Variants in PSAPL1 observed in about 807,000 individuals in gnomAD.
PSAPL1 encodes prosaposin like 1, also known as proactivator polypeptide-like 1.
For synonymous variants in PSAPL1, 351 were observed against 291.6 expected (o/e 1.20, Z -2.08); for missense variants, 814 against 688.8 (o/e 1.18, Z -2.03).
chr4:7,434,134 C>A lies in PSAPL1; in HGVS notation c.746G>T (p.Arg249Met). Residue 249 changes from arginine to methionine, a missense_variant, in exon 1 of 1, where the codon AGG becomes ATG. Arg to Met is a moderately conservative substitution (Grantham distance 91, BLOSUM62 -1). Coordinates refer to ENST00000319098, the MANE Select transcript of PSAPL1 (RefSeq NM_001085382.2). ...LRLLPPQELC[R>M]KGGFCEELGA... ...TAGCTCCTCACAGAATCCCCCCTTCCTGCAGAGCTCCTGCGGGGGGAGAAG... is the reference window on the plus strand; with the variant it reads ...TAGCTCCTCACAGAATCCCCCCTTCATGCAGAGCTCCTGCGGGGGGAGAAG... The A allele has an allele frequency of 6.2e-7, 1 of 1,613,682 alleles. No individual in the cohort carries two copies. The highest frequency in any genetic ancestry group is 8.5e-7 in the Non-Finnish European group (1 of 1,179,670).
In PSAPL1 at chr4:7,433,662, G is replaced by A; in HGVS notation, c.1218C>T (p.Ser406=). 2 of 1,609,602 alleles carry A rather than the reference G, an allele frequency of 1.2e-6. No homozygotes were observed. Among genetic ancestry groups the A allele is most frequent in the Non-Finnish European group, 1.7e-6 (2 of 1,177,278 alleles). Residue 406 remains serine, a synonymous_variant, in exon 1 of 1, where the codon TCC becomes TCT. Transcript: ENST00000319098. Reference sequence around the variant, plus strand: ...TGCTCTTGCTCTCCAAGTTGTGGGAGGACACCGTGAGCAGCCTCTTGCACC... The same window carrying A: ...TGCTCTTGCTCTCCAAGTTGTGGGAAGACACCGTGAGCAGCCTCTTGCACC... ...CNGCKRLLTV[S]SHNLESKSTK...
At position 7,434,080 on chromosome 4, in the gene PSAPL1, A is replaced by G; in HGVS notation, c.800T>C (p.Val267Ala). Residue 267 changes from valine (V) to alanine (A), a missense_variant, in exon 1 of 1, where the codon GTG becomes GCG. Transcript: ENST00000319098. ...LGAPARLTQV[V>A]AMDGVPSLEL... ...CAGGGAGGGGACCCCGTCCATGGCC[A>G]CTACTTGAGTCAAACGGGCAGGTGC... 2 of 1,611,670 alleles carry G rather than the reference A, an allele frequency of 1.2e-6. No homozygotes were observed. Among genetic ancestry groups the G allele is most frequent in the Non-Finnish European group, 8.5e-7 (1 of 1,178,262 alleles).
Position 7,433,101 on chromosome 4 carries a change from G to C in PSAPL1, c.*213C>G, listed in dbSNP as rs527980462. 5 of 422,534 alleles carry C rather than the reference G, an allele frequency of 1.2e-5. No homozygotes were observed. The highest frequency in any genetic ancestry group is 1.0e-4 in the African/African-American group (5 of 49,290). 26.2% of individuals were successfully genotyped at this position (422,534 alleles called of 1,614,324 possible). On this transcript the variant is annotated 3_prime_UTR_variant, in exon 1 of 1. Coordinates refer to ENST00000319098, the MANE Select transcript of PSAPL1 (RefSeq NM_001085382.2). ...GGAGCGGGGCACATGAGTGTGTTCC[G>C]GTCCAGTAGAGATGCTTTCAAGGGC...
Position 7,433,559 on chromosome 4 carries a change from A to G in PSAPL1, c.1321T>C (p.Phe441Leu), listed in dbSNP as rs746306816. The change falls in exon 1 of 1, where the codon TTC becomes CTC. Residue 441 changes from phenylalanine (F) to leucine (L), a missense_variant. By Grantham distance (22) the Phe-to-Leu change is conservative (BLOSUM62 0). Coordinates refer to ENST00000319098, the MANE Select transcript of PSAPL1 (RefSeq NM_001085382.2). Reference protein sequence around the residue: ...PLPYMIQCKHFVTQYEPVLIE... With the variant: ...PLPYMIQCKHLVTQYEPVLIE... Reference sequence around the variant, plus strand: ...AGCACGGGCTCGTACTGGGTGACGAAGTGCTTGCACTGGATCATATAGGGC... The same window carrying G: ...AGCACGGGCTCGTACTGGGTGACGAGGTGCTTGCACTGGATCATATAGGGC... 14 of 1,611,526 alleles carry G rather than the reference A, an allele frequency of 8.7e-6. No homozygotes were observed. The highest frequency in any genetic ancestry group is 1.2e-5 in the Non-Finnish European group (14 of 1,179,148).
rs1726784819 is a variant in PSAPL1, at chr4:7,430,730, T to C, written c.*2584A>G. ...TGCTGGGATGGGTCTCCCAAACTTC[T>C]AGGCCCAGTAGGGCCAGCTGCTCTT... On this transcript the variant is annotated 3_prime_UTR_variant, in exon 1 of 1. Coordinates refer to ENST00000319098, the MANE Select transcript of PSAPL1 (RefSeq NM_001085382.2). 6.6e-6 allele frequency: 1 copy of C among 152,274 alleles called. No individual in the cohort carries two copies. Among genetic ancestry groups the C allele is most frequent in the African/African-American group, 2.4e-5 (1 of 41,450 alleles). 9.4% of individuals were successfully genotyped at this position (152,274 alleles called of 1,614,324 possible).
At position 7,433,611 on chromosome 4, in the gene PSAPL1, G is replaced by T; in HGVS notation, c.1269C>A (p.Phe423Leu). The T allele has an allele frequency of 2.5e-6, 4 of 1,611,628 alleles. No individual in the cohort carries two copies. The highest frequency in any genetic ancestry group is 3.4e-6 in the Non-Finnish European group (4 of 1,178,918). Reference sequence around the variant, plus strand: ...GCGGCAGGATGCTGCAGCCACCCTTGAAGGCCACCAGGATGTCTCGCTTGG... The same window carrying T: ...GCGGCAGGATGCTGCAGCCACCCTTTAAGGCCACCAGGATGTCTCGCTTGG... ...KSTKRDILVA[F>L]KGGCSILPLP... Residue 423 changes from phenylalanine (F) to leucine (L), a missense_variant, in exon 1 of 1, where the codon TTC becomes TTA. Physicochemically the swap from Phe to Leu is conservative, Grantham distance 22. Coordinates refer to ENST00000319098, the MANE Select transcript of PSAPL1 (RefSeq NM_001085382.2).
rs564943121 is a variant in PSAPL1 at position 7,431,177 on chromosome 4, T to A, written c.*2137A>T. 2.0e-5 allele frequency: 3 copies of A among 152,404 alleles called. No individual in the cohort carries two copies. The East Asian group carries it at 5.8e-4, about 29-fold the overall frequency. 9.4% of individuals were successfully genotyped at this position (152,404 alleles called of 1,614,324 possible). On this transcript the variant is annotated 3_prime_UTR_variant, in exon 1 of 1. Transcript: ENST00000319098. ...GCCTGTGGGGTCATGGCCAGTGAGC[T>A]CCGTTCATCACGGGCAACCATCTAG...
At position 7,434,665 on chromosome 4, in the gene PSAPL1, G is replaced by A; in HGVS notation, c.215C>T (p.Ala72Val). 1 of 1,612,844 alleles carries A rather than the reference G, an allele frequency of 6.2e-7. No homozygotes were observed. Among genetic ancestry groups the A allele is most frequent in the African/African-American group, 1.3e-5 (1 of 75,046 alleles). The change falls in exon 1 of 1, where the codon GCC becomes GTC. Residue 72 changes from alanine to valine, a missense_variant. By Grantham distance (64) the Ala-to-Val change is moderately conservative (BLOSUM62 0). Coordinates refer to ENST00000319098, the MANE Select transcript of PSAPL1 (RefSeq NM_001085382.2). Reference protein sequence around the residue: ...LPCDVCQDIAAAAGNGLNPDA... With the variant: ...LPCDVCQDIAVAAGNGLNPDA... ...AGGGTTCAGCCCATTGCCAGCGGCG[G>A]CTGCTATGTCCTGGCATACGTCGCA... is the stretch of plus-strand genomic sequence containing the variant.
In PSAPL1 at chr4:7,434,464, A is replaced by G; in HGVS notation, c.416T>C (p.Leu139Pro). 1 of 1,611,318 alleles carries G rather than the reference A, an allele frequency of 6.2e-7. No homozygotes were observed. Among genetic ancestry groups the G allele is most frequent in the Non-Finnish European group, 8.5e-7 (1 of 1,179,510 alleles). ...APAQVCTALS[L>P]CEPLQRHLAT... Reference sequence around the variant, plus strand: ...CAGGTGCCTCTGCAGCGGCTCACAGAGGCTGAGCGCTGTGCACACCTGTGC... The same window carrying G: ...CAGGTGCCTCTGCAGCGGCTCACAGGGGCTGAGCGCTGTGCACACCTGTGC... Residue 139 changes from leucine (L) to proline (P), a missense_variant, in exon 1 of 1, where the codon CTC becomes CCC. By Grantham distance (98) the Leu-to-Pro change is moderately conservative. Transcript: ENST00000319098.
chr4:7,433,778 T>G lies in PSAPL1; in HGVS notation c.1102A>C (p.Asn368His), dbSNP rs1388242334. The G allele has an allele frequency of 1.9e-6, 3 of 1,613,444 alleles. No homozygotes were observed. In the South Asian group the frequency reaches 3.3e-5, roughly 18 times the overall value. Residue 368 changes from asparagine to histidine, a missense_variant, in exon 1 of 1, where the codon AAC (asparagine) becomes CAC (histidine). By Grantham distance (68) the Asn-to-His change is moderately conservative. Coordinates refer to ENST00000319098, the MANE Select transcript of PSAPL1 (RefSeq NM_001085382.2). ...KVCKFIRLCG[N>H]RRRARAVHDA... The stretch of plus-strand genomic sequence containing the variant: ...TGGACTGCCCGGGCCCGCCTCCGGT[T>G]GCCACACAGACGGATGAACTTGCAC...
In PSAPL1 at chr4:7,434,663, C is replaced by T. The variant is rs189025474; in HGVS notation, c.217G>A (p.Ala73Thr). 235 of 1,612,818 alleles carry T rather than the reference C, an allele frequency of 1.5e-4. 1 individual carries two copies. Among genetic ancestry groups the T allele is most frequent in the Non-Finnish European group, 1.8e-4 (215 of 1,179,510 alleles). The change falls in exon 1 of 1, where the codon GCC (alanine) becomes ACC (threonine). Residue 73 changes from alanine (A) to threonine (T), a missense_variant. Physicochemically the swap from Ala to Thr is moderately conservative, Grantham distance 58. Coordinates refer to ENST00000319098, the MANE Select transcript of PSAPL1 (RefSeq NM_001085382.2). ...PCDVCQDIAAAAGNGLNPDAT... is the reference protein window; with the variant it reads ...PCDVCQDIAATAGNGLNPDAT... ...TCAGGGTTCAGCCCATTGCCAGCGGCGGCTGCTATGTCCTGGCATACGTCG... is the reference window on the plus strand; with the variant it reads ...TCAGGGTTCAGCCCATTGCCAGCGGTGGCTGCTATGTCCTGGCATACGTCG...
At chr4:7,433,674 CA>C in the PSAPL1 span, 46 of 1,609,700 alleles carry the variant, frequency 2.9e-5, no homozygotes, top group Non-Finnish European at 3.8e-5. Flanking sequence ...ACACCGTGAG[CA>C]GCCTCTTGCA....
chr4:7,434,636 C>T lies in PSAPL1; in HGVS notation c.244G>A (p.Ala82Thr), dbSNP rs201099591. Residue 82 changes from alanine to threonine, a missense_variant, in exon 1 of 1, where the codon GCC becomes ACC. Ala to Thr is a moderately conservative substitution (Grantham distance 58). Coordinates refer to ENST00000319098, the MANE Select transcript of PSAPL1 (RefSeq NM_001085382.2). ...AAAGCCAGGATGTCAGACTCCGTGG[C>T]GTCAGGGTTCAGCCCATTGCCAGCG... is the stretch of plus-strand genomic sequence containing the variant. The part of the protein sequence containing the change: ...AAAGNGLNPD[A>T]TESDILALVM... The T allele has an allele frequency of 2.2e-4, 347 of 1,613,170 alleles. No homozygotes were observed. Among genetic ancestry groups the T allele is most frequent in the Middle Eastern group, 8.2e-4 (5 of 6,084 alleles).
rs997722325 is a variant in PSAPL1, at chr4:7,430,971, C to T, written c.*2343G>A. 1 of 152,392 alleles carries T rather than the reference C, an allele frequency of 6.6e-6. No homozygotes were observed. 9.4% of individuals were successfully genotyped at this position (152,392 alleles called of 1,614,324 possible). On this transcript the variant is annotated 3_prime_UTR_variant, in exon 1 of 1. Transcript: ENST00000319098. Reference sequence around the variant, plus strand: ...CTTTAGACCCCAAGGCAGCCACTCCCCACGAGCACTTGCAGAGCACCTCCT... The same window carrying T: ...CTTTAGACCCCAAGGCAGCCACTCCTCACGAGCACTTGCAGAGCACCTCCT...
rs1182499710 is a variant in PSAPL1 at position 7,433,343 on chromosome 4, T to G, written c.1537A>C (p.Met513Leu). Residue 513 changes from methionine (M) to leucine (L), a missense_variant, in exon 1 of 1, where the codon ATG becomes CTG. Met to Leu is a conservative substitution (Grantham distance 15). Transcript: ENST00000319098. ...QHCQKHVWKE[M>L]HLHAGEHA The stretch of plus-strand genomic sequence containing the variant: ...GCGTGTTCCCCAGCGTGGAGGTGCA[T>G]CTCTTTCCATACATGCTTCTGGCAG... The G allele has an allele frequency of 1.4e-6, 2 of 1,426,580 alleles. No individual in the cohort carries two copies. The highest frequency in any genetic ancestry group is 6.2e-5 in the Admixed American group (2 of 32,018). 88.4% of individuals were successfully genotyped at this position (1,426,580 alleles called of 1,614,324 possible).
Position 7,433,400 on chromosome 4 carries a change from C to T in PSAPL1, c.1480G>A (p.Glu494Lys). 1 of 1,504,076 alleles carries T rather than the reference C, an allele frequency of 6.6e-7. No individual in the cohort carries two copies. Among genetic ancestry groups the T allele is most frequent in the Non-Finnish European group, 8.9e-7 (1 of 1,127,760 alleles). 93.2% of individuals were successfully genotyped at this position (1,504,076 alleles called of 1,614,324 possible). A position where few individuals can be genotyped will look rare whatever the true frequency, so the allele number is the denominator to read the frequency against. The stretch of plus-strand genomic sequence containing the variant: ...ACAGCGTTGCACAGCTTGGCGGCCT[C>T]CTGGCTCCTGCACCAGAAGCTTGGG... ...LGPSFWCRSQEAAKLCNAVQH... is the reference protein window; with the variant it reads ...LGPSFWCRSQKAAKLCNAVQH... The change falls in exon 1 of 1, where the codon GAG (glutamate) becomes AAG (lysine). Residue 494 changes from glutamate to lysine, a missense_variant. Transcript: ENST00000319098.
rs753178584 is a variant in PSAPL1 at position 7,433,816 on chromosome 4, G to T, written c.1064C>A (p.Thr355Asn). 36 of 1,613,702 alleles carry T rather than the reference G, an allele frequency of 2.2e-5. No homozygotes were observed. The African/African-American group carries it at 3.7e-4, about 17-fold the overall frequency. ...GATGAACTTGCACACCTTCTCTGGG[G>T]TGATTTTGGCCACAAGCTGCACCAA... The part of the protein sequence containing the change: ...PSLVQLVAKI[T>N]PEKVCKFIRL... Residue 355 changes from threonine (T) to asparagine (N), a missense_variant, in exon 1 of 1, where the codon ACC becomes AAC. Coordinates refer to ENST00000319098, the MANE Select transcript of PSAPL1 (RefSeq NM_001085382.2).
At position 7,434,796 on chromosome 4, in the gene PSAPL1, C is replaced by A; in HGVS notation, c.84G>T (p.Lys28Asn). 6.2e-7 allele frequency: 1 copy of A among 1,610,210 alleles called. No individual in the cohort carries two copies. Among genetic ancestry groups the A allele is most frequent in the South Asian group, 1.1e-5 (1 of 90,284 alleles). The change falls in exon 1 of 1, where the codon AAG (lysine) becomes AAT (asparagine). Residue 28 changes from lysine (K) to asparagine (N), a missense_variant. Coordinates refer to ENST00000319098, the MANE Select transcript of PSAPL1 (RefSeq NM_001085382.2). ...GATCCTGACACCACACCGTGGAGCC[C>A]TTTGCACACTCCTGGGGGCCTGAGG... ...SPTSGPQECAKGSTVWCQDLQ... is the reference protein window; with the variant it reads ...SPTSGPQECANGSTVWCQDLQ...
Position 7,434,553 on chromosome 4 carries a change from C to A in PSAPL1, c.327G>T (p.Trp109Cys). The A allele has an allele frequency of 3.7e-6, 6 of 1,613,538 alleles. No individual in the cohort carries two copies. The highest frequency in any genetic ancestry group is 5.1e-6 in the Non-Finnish European group (6 of 1,179,866). The change falls in exon 1 of 1, where the codon TGG becomes TGT. Residue 109 changes from tryptophan to cysteine, a missense_variant. Transcript: ENST00000319098. ...PSQESSAGCK[W>C]MVDAHSSAIL... The stretch of plus-strand genomic sequence containing the variant: ...TGGCCGAACTGTGGGCATCCACCAT[C>A]CACTTGCATCCGGCTGAAGACTCCT...
Sources: allele counts gnomAD v4.1 joint callset, GRCh38; gene constraint gnomAD v4.1.1; transcripts MANE v1.5; gene names NCBI Gene and HGNC (gene_info 2026-07-23, HGNC 2026-07-21).